Variants in LIMCH1 observed in about 807,000 individuals in gnomAD.
LIMCH1 encodes the protein LIM and calponin homology domains 1, also known as LIM and calponin homology domains-containing protein 1.
In LIMCH1, 113 loss-of-function variants were observed where a neutral mutation model predicts 176.5. That is an observed-to-expected ratio of 0.64 (90% confidence interval 0.55 to 0.75). The LOEUF is 0.75. Ranked by LOEUF, LIMCH1 falls within the 30% of genes least tolerant of loss-of-function variation. The pLI is 0.00. For synonymous variants in LIMCH1, 619 were observed against 645.9 expected (o/e 0.96, Z 0.63); for missense variants, 1,674 against 1,814.9 (o/e 0.92, Z 1.41).
rs540180153 is a variant in LIMCH1, at chr4:41,684,599, G to C, written c.3967+81G>C. The C allele has an allele frequency of 1.7e-5, 25 of 1,502,788 alleles. No homozygotes were observed. The South Asian group carries it at 3.2e-4, about 19-fold the overall frequency. The allele number at this position is 1,502,788 out of a possible 1,614,324, so 93.1% of individuals were successfully genotyped here. A position where few individuals can be genotyped will look rare whatever the true frequency, so the allele number is the denominator to read the frequency against. On this transcript the variant is annotated intron_variant, in intron 27 of 31. Transcript: ENST00000503057. ...CATTGTCCAGAAAGCTATGATCTCT[G>C]CTGGCTGCAGGCTTCTCTCTAAGGG...
At chr4:41,474,610 A>AAAACC (rs1249033064) in intron 1 of LIMCH1, among the ~76,000 whole-genome samples, 3 of 152,252 alleles carry the variant, frequency 2.0e-5, no homozygotes, top group African/African-American at 7.2e-5. Flanking sequence ...AATGCAAAAT[A>AAAACC]AAACCACAAT....
In LIMCH1 at chr4:41,391,200, A is replaced by G. The variant is rs1035272416; in HGVS notation, c.96+30264A>G. On this transcript the variant is annotated intron_variant, in intron 1 of 26. Coordinates refer to the LIMCH1 transcript ENST00000313860. ...CTCACTAGCTGACCTGTCCTGCCAT[A>G]TTGGAAAAATATTTTAATCCTTAAG... 5.3e-5 allele frequency among the ~76,000 whole-genome samples: 8 copies of G among 152,350 alleles called. No homozygotes were observed. In the South Asian group the frequency reaches 1.2e-3, roughly 24 times the overall value.
chr4:41,630,515 T>C (rs1040871308), intron 9 of LIMCH1, among the ~76,000 whole-genome samples: 2 of 152,226 alleles, frequency 1.3e-5, no homozygotes, highest in Non-Finnish European at 2.9e-5. Context: ...TACCTAAGAT[T>C]TTCTTATGCC....
intron 1 of LIMCH1, among the ~76,000 whole-genome samples, chr4:41,547,859 G>GTA (rs1247854633): frequency 2.2e-4 from 15 of 69,418 alleles, no homozygotes; most frequent in African/African-American, 8.8e-4. Context: ...TAATTTGTGT[G>GTA]TGTGTATATA....
At chr4:41,573,058 G>A in intron 1 of LIMCH1, among the ~76,000 whole-genome samples, 1 of 152,188 alleles carries the variant, frequency 6.6e-6, no homozygotes, top group East Asian at 1.9e-4. Flanking sequence ...CCAAACCAAT[G>A]TATGGCAATC....
At position 41,629,844 on chromosome 4, in the gene LIMCH1, G is replaced by A. The variant is rs2093215341; in HGVS notation, c.1271+110G>A. 3.1e-6 allele frequency: 4 copies of A among 1,277,088 alleles called. No homozygotes were observed. In the Admixed American group the frequency reaches 8.3e-5, roughly 27 times the overall value. The allele number at this position is 1,277,088 out of a possible 1,614,324, so 79.1% of individuals were successfully genotyped here. A position where few individuals can be genotyped will look rare whatever the true frequency, so the allele number is the denominator to read the frequency against. On this transcript the variant is annotated intron_variant, in intron 9 of 31. Transcript: ENST00000503057. The stretch of plus-strand genomic sequence containing the variant: ...TTTTTTTTTGTCAGGGTCTTGCTCT[G>A]TTGCCCAGGCTGGAATATAGTGGCT...
chr4:41,610,409 A>G (rs942948143), intron 4 of LIMCH1, among the ~76,000 whole-genome samples: 1 of 152,204 alleles, frequency 6.6e-6, no homozygotes, highest in Non-Finnish European at 1.5e-5. Flanking sequence ...ACATCTAGAC[A>G]TGGGATATAA....
chr4:41,641,960 G>A (rs973684496), intron 14 of LIMCH1, among the ~76,000 whole-genome samples: 2 of 152,190 alleles, frequency 1.3e-5, no homozygotes, highest in African/African-American at 2.4e-5. Context: ...AGATGGGAAC[G>A]CAGGACAGAC....
rs374528834 is a variant in LIMCH1, at chr4:41,426,299, G to A, written c.96+65363G>A. 1.1e-4 allele frequency among the ~76,000 whole-genome samples: 16 copies of A among 152,264 alleles called. No homozygotes were observed. The East Asian group carries it at 3.1e-3, about 29-fold the overall frequency. ...GCCTCCCAAAGTGCTGGGATTACAG[G>A]CGTGAGCCACTGCGCCCGGCCCGTG... is the stretch of plus-strand genomic sequence containing the variant. On this transcript the variant is annotated intron_variant, in intron 1 of 26. Coordinates refer to the LIMCH1 transcript ENST00000313860.
chr4:41,451,448 C>G (rs1246638671), intron 1 of LIMCH1, among the ~76,000 whole-genome samples: 1 of 152,046 alleles, frequency 6.6e-6, no homozygotes, highest in African/African-American at 2.4e-5. Context: ...TATTTTAAAA[C>G]ACTTTTATTT....
At chr4:41,395,794 TA>T (rs1182562958) in intron 1 of LIMCH1, among the ~76,000 whole-genome samples, 1 of 152,186 alleles carries the variant, frequency 6.6e-6, no homozygotes, top group African/African-American at 2.4e-5. Context: ...CCTGGGGAGC[TA>T]GCTCCTGCCT....
At chr4:41,518,491 T>C (rs1423619263) in intron 2 of LIMCH1, among the ~76,000 whole-genome samples, 1 of 152,172 alleles carries the variant, frequency 6.6e-6, no homozygotes, top group Non-Finnish European at 1.5e-5. Flanking sequence ...ATATTAGGGG[T>C]GCAAAGAGTT....
At chr4:41,692,252 C>A in intron 30 of LIMCH1, 30 bp from the exon 31 acceptor site, 2 of 1,300,422 alleles carry the variant, frequency 1.5e-6, no homozygotes, top group Non-Finnish European at 2.2e-6. Flanking sequence ...CCTTATGCAT[C>A]TTATGATGTC....
chr4:41,385,389 A>G (rs1337045543), intron 1 of LIMCH1, among the ~76,000 whole-genome samples: 1 of 151,940 alleles, frequency 6.6e-6, no homozygotes, highest in Non-Finnish European at 1.5e-5. Context: ...GATAATTTAG[A>G]TTTTTTTTCT....
At chr4:41,429,170 T>C (rs1582020346) in intron 1 of LIMCH1, among the ~76,000 whole-genome samples, 1 of 152,328 alleles carries the variant, frequency 6.6e-6, no homozygotes, top group Non-Finnish European at 1.5e-5. Context: ...GATATTACAG[T>C]CCATCTGTGC....
chr4:41,574,803 T>TG (rs1394899900), intron 1 of LIMCH1, among the ~76,000 whole-genome samples: 2 of 152,172 alleles, frequency 1.3e-5, no homozygotes, highest in Non-Finnish European at 2.9e-5. Flanking sequence ...GTTGGGCACT[T>TG]GGGGGTAGGT....
At chr4:41,693,442 A>G (rs956237471) in intron 31 of LIMCH1, 3 of 152,094 alleles carry the variant, frequency 2.0e-5, no homozygotes, top group African/African-American at 7.2e-5. Context: ...CAGGTAGTTT[A>G]GATTTATAAT....
At chr4:41,468,213 T>A (rs1032740099) in intron 1 of LIMCH1, among the ~76,000 whole-genome samples, 3 of 150,154 alleles carry the variant, frequency 2.0e-5, no homozygotes, top group African/African-American at 7.4e-5. Flanking sequence ...CCGGCCTGCC[T>A]TTATTCCCTC....
chr4:41,603,953 A>G (rs1367259562), intron 3 of LIMCH1, 48 bp downstream of exon 3: 1 of 1,507,044 alleles, frequency 6.6e-7, no homozygotes. Flanking sequence ...TTCAAGTGTA[A>G]AATTTAGCTA....
Sources: allele counts gnomAD v4.1 joint callset (sites outside exome capture counted in the v4.1 genomes callset), GRCh38; gene constraint gnomAD v4.1.1; transcripts MANE v1.5; gene names NCBI Gene and HGNC (gene_info 2026-07-23, HGNC 2026-07-21).